LYL1: variants seen among roughly 807,000 people sequenced by gnomAD.
LYL1 encodes the protein LYL1 basic helix-loop-helix family member.
LYL1 carries 4 observed loss-of-function variants against 11.1 expected under a neutral mutation model. The ratio of observed to expected loss-of-function variants is 0.36; its 90% CI spans 0.18 to 0.82. The LOEUF (loss-of-function observed/expected upper bound fraction) is 0.82. Ranked by LOEUF, LYL1 falls within the 40% of genes least tolerant of loss-of-function variation. The probability of loss-of-function intolerance (pLI) is 0.49; values close to 1 mark genes in which losing one functional copy is unlikely to be tolerated. For synonymous variants in LYL1, 179 were observed against 174.8 expected, an observed-to-expected ratio of 1.02 and a Z score of -0.19; for missense variants, 356 against 397.6, an observed-to-expected ratio of 0.90 and a Z score of 0.89.
chr19:13,099,531 C>T lies in LYL1; in HGVS notation c.631G>A (p.Ala211Thr), dbSNP rs1467126467. ...GGGGTGGGGCCTGCGGCCAGAGCTGCGGCTTGGTCGCGCAGCAGCCGCACC... is the reference window on the plus strand; with the variant it reads ...GGGGTGGGGCCTGCGGCCAGAGCTGTGGCTTGGTCGCGCAGCAGCCGCACC... The part of the protein sequence containing the change: ...FLVRLLRDQA[A>T]ALAAGPTPPG... The change falls in exon 4 of 4, where the codon GCA becomes ACA. Residue 211 changes from alanine to threonine, a missense_variant. By Grantham distance (58) the Ala-to-Thr change is moderately conservative. Coordinates refer to ENST00000264824, the MANE Select transcript of LYL1 (RefSeq NM_005583.5). This position sits in a 1 kb window ranked among gnomAD's most constrained non-coding sequence, Gnocchi z 5.3. The T allele has an allele frequency of 6.6e-7, 1 of 1,507,416 alleles. No homozygotes were observed. The highest frequency in any genetic ancestry group is 2.2e-5 in the Admixed American group (1 of 46,482). The allele number at this position is 1,507,416 out of a possible 1,614,324, so 93.4% of individuals were successfully genotyped here. A position where few individuals can be genotyped will look rare whatever the true frequency, so the allele number is the denominator to read the frequency against.
chr19:13,102,112 C>T lies in LYL1; in HGVS notation c.-25+419G>A, dbSNP rs948526173. 9.0e-4 allele frequency: 192 copies of T among 212,412 alleles called. 4 individuals carry two copies. The highest frequency in any genetic ancestry group is 1.5e-3 in the Middle Eastern group (1 of 676). 13.2% of individuals were successfully genotyped at this position (212,412 alleles called of 1,614,324 possible). On this transcript the variant is annotated intron_variant, in intron 1 of 3. Transcript: ENST00000264824. This position sits in a 1 kb window ranked among gnomAD's most constrained non-coding sequence, Gnocchi z 4.9. ...TCAGCCTCCTGAGTAGCTGAGAGTACAGGCATGTGCCACCATGCCCGGCTA... is the reference window on the plus strand; with the variant it reads ...TCAGCCTCCTGAGTAGCTGAGAGTATAGGCATGTGCCACCATGCCCGGCTA...
In LYL1 at chr19:13,102,276, C is replaced by T. The variant is rs933251450; in HGVS notation, c.-25+255G>A. On this transcript the variant is annotated intron_variant, in intron 1 of 3. Transcript: ENST00000264824. The surrounding 1 kb of genome is among the most constrained non-coding windows in gnomAD (Gnocchi z 4.9). ...ATTACAGGCATGCACCACAATGCCC[C>T]GCGATCATCCACAGTTTTGCATACT... is the stretch of plus-strand genomic sequence containing the variant. 2 of 202,620 alleles carry T rather than the reference C, an allele frequency of 9.9e-6. No homozygotes were observed. Among genetic ancestry groups the T allele is most frequent in the African/African-American group, 2.3e-5 (1 of 43,664 alleles). 12.6% of individuals were successfully genotyped at this position (202,620 alleles called of 1,614,324 possible). A position where few individuals can be genotyped will look rare whatever the true frequency, so the allele number is the denominator to read the frequency against.
rs938014449 is a variant in LYL1, at chr19:13,099,303, G to C, written c.*16C>G. The stretch of plus-strand genomic sequence containing the variant: ...GTCCCTGGTGCCCTCCGGCTCAGAG[G>C]TGCTGCCGCGTGCGGTCACCGCACC... On this transcript the variant is annotated 3_prime_UTR_variant, in exon 4 of 4. Transcript: ENST00000264824. The surrounding 1 kb of genome is among the most constrained non-coding windows in gnomAD (Gnocchi z 5.3). The C allele has an allele frequency of 1.7e-5, 22 of 1,264,920 alleles. No homozygotes were observed. Among genetic ancestry groups the C allele is most frequent in the Non-Finnish European group, 2.2e-5 (22 of 1,004,628 alleles). 78.4% of individuals were successfully genotyped at this position (1,264,920 alleles called of 1,614,324 possible).
At chr19:13,100,435 C>T (rs1364771453) in intron 3 of LYL1, among the ~76,000 whole-genome samples, 1 of 152,118 alleles carries the variant, frequency 6.6e-6, no homozygotes, top group Non-Finnish European at 1.5e-5. Context: ...CATGGCTTGG[C>T]CTGTTGGGTG....
At position 13,102,180 on chromosome 19, in the gene LYL1, C is replaced by A; in HGVS notation, c.-25+351G>T. 1 of 202,628 alleles carries A rather than the reference C, an allele frequency of 4.9e-6. No homozygotes were observed. The highest frequency in any genetic ancestry group is 7.5e-5 in the East Asian group (1 of 13,334). 12.6% of individuals were successfully genotyped at this position (202,628 alleles called of 1,614,324 possible). A position where few individuals can be genotyped will look rare whatever the true frequency, so the allele number is the denominator to read the frequency against. ...TTTTTTGTAGAGGCAGGTTCTCACT[C>A]TGTTGTCCAGGGTGGTCTGGAACTC... On this transcript the variant is annotated intron_variant, in intron 1 of 3. Transcript: ENST00000264824. The surrounding 1 kb of genome is among the most constrained non-coding windows in gnomAD (Gnocchi z 4.9).
rs758293848 is a variant in LYL1 at position 13,100,644 on chromosome 19, A to C, written c.427+13T>G. ...GGCATACAAACCCACAAGGCACACA[A>C]ACCCACACTCACCCTCAGCCAGGTC... On this transcript the variant is annotated intron_variant, in intron 3 of 3. Transcript: ENST00000264824. 4.3e-6 allele frequency: 7 copies of C among 1,613,814 alleles called. No individual in the cohort carries two copies. Among genetic ancestry groups the C allele is most frequent in the Non-Finnish European group, 5.9e-6 (7 of 1,179,830 alleles).
rs1420703024 is a variant in LYL1 at position 13,099,884 on chromosome 19, CA to C, written c.428-151del. ...CAAGGGGTCCACGGGCAGCTCTCCC[CA>C]CCCCTCCCAAGAGCCATCCAGACAA... On this transcript the variant is annotated intron_variant, in intron 3 of 3. Coordinates refer to ENST00000264824, the MANE Select transcript of LYL1 (RefSeq NM_005583.5). This position sits in a 1 kb window ranked among gnomAD's most constrained non-coding sequence, Gnocchi z 5.3. The C allele has an allele frequency of 6.3e-6, 4 of 632,376 alleles. No individual in the cohort carries two copies. In the Admixed American group the frequency reaches 1.6e-4, roughly 25 times the overall value. The allele number at this position is 632,376 out of a possible 1,614,324, so 39.2% of individuals were successfully genotyped here. A position where few individuals can be genotyped will look rare whatever the true frequency, so the allele number is the denominator to read the frequency against.
chr19:13,100,126 C>T (rs1427737149), intron 3 of LYL1, among the ~76,000 whole-genome samples: 2 of 152,164 alleles, frequency 1.3e-5, no homozygotes, highest in Non-Finnish European at 2.9e-5. Flanking sequence ...CTGTCTGTGT[C>T]CTGTGTCTTG....
At chr19:13,100,281 G>C (rs1022566228) in intron 3 of LYL1, among the ~76,000 whole-genome samples, 2 of 152,168 alleles carry the variant, frequency 1.3e-5, no homozygotes, top group African/African-American at 4.8e-5. Context: ...TGGCTGTCTT[G>C]TGTGTGGTTG....
In LYL1 at chr19:13,099,582, G is replaced by C; in HGVS notation, c.580C>G (p.Leu194Val). ...AGGAAGCCGATGTACTTCATGGCTAGGCGGAGCACCTCGTTCTTGCTCAGC... is the reference window on the plus strand; with the variant it reads ...AGGAAGCCGATGTACTTCATGGCTACGCGGAGCACCTCGTTCTTGCTCAGC... ...RKLSKNEVLRLAMKYIGFLVR... is the reference protein window; with the variant it reads ...RKLSKNEVLRVAMKYIGFLVR... The change falls in exon 4 of 4, where the codon CTA becomes GTA. Residue 194 changes from leucine (L) to valine (V), a missense_variant. By Grantham distance (32) the Leu-to-Val change is conservative (BLOSUM62 1). Transcript: ENST00000264824. This position sits in a 1 kb window ranked among gnomAD's most constrained non-coding sequence, Gnocchi z 5.3. The C allele has an allele frequency of 6.4e-7, 1 of 1,552,566 alleles. No individual in the cohort carries two copies. Among genetic ancestry groups the C allele is most frequent in the Middle Eastern group, 1.7e-4 (1 of 5,980 alleles).
chr19:13,102,200 G>C lies in LYL1; in HGVS notation c.-25+331C>G, dbSNP rs2145564517. 2 of 201,824 alleles carry C rather than the reference G, an allele frequency of 9.9e-6. No homozygotes were observed. The highest frequency in any genetic ancestry group is 3.8e-4 in the South Asian group (2 of 5,290). 12.5% of individuals were successfully genotyped at this position (201,824 alleles called of 1,614,324 possible). On this transcript the variant is annotated intron_variant, in intron 1 of 3. Coordinates refer to ENST00000264824, the MANE Select transcript of LYL1 (RefSeq NM_005583.5). The surrounding 1 kb of genome is among the most constrained non-coding windows in gnomAD (Gnocchi z 4.9). ...TCACTCTGTTGTCCAGGGTGGTCTGGAACTCCTGGGCTCAAGTGATCCTCC... is the reference window on the plus strand; with the variant it reads ...TCACTCTGTTGTCCAGGGTGGTCTGCAACTCCTGGGCTCAAGTGATCCTCC...
At chr19:13,100,063 C>G (rs895445274) in intron 3 of LYL1, among the ~76,000 whole-genome samples, 3 of 152,326 alleles carry the variant, frequency 2.0e-5, no homozygotes, top group African/African-American at 7.2e-5. Context: ...TGATTGTGCC[C>G]AAGTACGGCT....
In LYL1 at chr19:13,100,967, T is replaced by C; in HGVS notation, c.205A>G (p.Arg69Gly). 1 of 1,502,978 alleles carries C rather than the reference T, an allele frequency of 6.7e-7. No homozygotes were observed. Among genetic ancestry groups the C allele is most frequent in the Non-Finnish European group, 8.9e-7 (1 of 1,124,908 alleles). The allele number at this position is 1,502,978 out of a possible 1,614,324, so 93.1% of individuals were successfully genotyped here. ...GVPVISLGHS[R>G]PPGVAMPTTE... ...GTGGGCATGGCTACCCCTGGGGGCC[T>C]GCTGTGGCCCAGGCTGATCACTGGT... The change falls in exon 2 of 4, where the codon AGG becomes GGG. Residue 69 changes from arginine (R) to glycine (G), a missense_variant. By Grantham distance (125) the Arg-to-Gly change is moderately radical. Coordinates refer to ENST00000264824, the MANE Select transcript of LYL1 (RefSeq NM_005583.5).
At position 13,100,761 on chromosome 19, in the gene LYL1, G is replaced by A. The variant is rs370424830; in HGVS notation, c.336-13C>T. 5.1e-5 allele frequency: 83 copies of A among 1,613,466 alleles called. No individual in the cohort carries two copies. In the Admixed American group the frequency reaches 6.7e-4, roughly 13 times the overall value. On this transcript the variant is annotated splice_polypyrimidine_tract_variant and intron_variant, in intron 2 of 3. Transcript: ENST00000264824. Reference sequence around the variant, plus strand: ...CCCAATGTAGACACTGTAAGGGGTCGTGGGTCACTAATGCCTTGTGGGCAA... The same window carrying A: ...CCCAATGTAGACACTGTAAGGGGTCATGGGTCACTAATGCCTTGTGGGCAA...
chr19:13,099,237 G>A lies in LYL1; in HGVS notation c.*82C>T. The A allele has an allele frequency of 1.7e-6, 2 of 1,180,266 alleles. No individual in the cohort carries two copies. The highest frequency in any genetic ancestry group is 1.1e-6 in the Non-Finnish European group (1 of 941,808). The allele number at this position is 1,180,266 out of a possible 1,614,324, so 73.1% of individuals were successfully genotyped here. A position where few individuals can be genotyped will look rare whatever the true frequency, so the allele number is the denominator to read the frequency against. On this transcript the variant is annotated 3_prime_UTR_variant, in exon 4 of 4. Transcript: ENST00000264824. This position sits in a 1 kb window ranked among gnomAD's most constrained non-coding sequence, Gnocchi z 5.3. ...CGGGGGAGTTCGCTCCCGAACATGC[G>A]CAGCACGTCCACTGCCCTTTCCTTG...
Position 13,101,790 on chromosome 19 carries a change from C to G in LYL1, c.-24-595G>C. 4.4e-6 allele frequency: 1 copy of G among 227,150 alleles called. No homozygotes were observed. The highest frequency in any genetic ancestry group is 8.7e-6 in the Non-Finnish European group (1 of 114,510). The allele number at this position is 227,150 out of a possible 1,614,324, so 14.1% of individuals were successfully genotyped here. ...AAGTGCTCCATAATTGCTTGAGTGACCCCCACTCCCACTGCAAACATCCCC... is the reference window on the plus strand; with the variant it reads ...AAGTGCTCCATAATTGCTTGAGTGAGCCCCACTCCCACTGCAAACATCCCC... On this transcript the variant is annotated intron_variant, in intron 1 of 3. Coordinates refer to ENST00000264824, the MANE Select transcript of LYL1 (RefSeq NM_005583.5). This position sits in a 1 kb window ranked among gnomAD's most constrained non-coding sequence, Gnocchi z 5.1.
Position 13,100,983 on chromosome 19 carries a change from G to T in LYL1, c.189C>A (p.Ile63=). Residue 63 remains isoleucine (I), a synonymous_variant, in exon 2 of 4, where the codon ATC becomes ATA. Coordinates refer to ENST00000264824, the MANE Select transcript of LYL1 (RefSeq NM_005583.5). ...CTGGGGGCCTGCTGTGGCCCAGGCT[G>T]ATCACTGGTACACCAGGTGGCAGCC... is the stretch of plus-strand genomic sequence containing the variant. ...PPRLPPGVPV[I]SLGHSRPPGV... is the part of the protein sequence containing the mutation. 2 of 1,487,330 alleles carry T rather than the reference G, an allele frequency of 1.3e-6. No individual in the cohort carries two copies. The highest frequency in any genetic ancestry group is 4.3e-4 in the Middle Eastern group (2 of 4,682). 92.1% of individuals were successfully genotyped at this position (1,487,330 alleles called of 1,614,324 possible). A position where few individuals can be genotyped will look rare whatever the true frequency, so the allele number is the denominator to read the frequency against.
Sources: allele counts gnomAD v4.1 joint callset (sites outside exome capture counted in the v4.1 genomes callset), GRCh38; gene constraint gnomAD v4.1.1; non-coding constraint Gnocchi (gnomAD v3.1); transcripts MANE v1.5; gene names NCBI Gene and HGNC (gene_info 2026-07-23, HGNC 2026-07-21).